Variants in SUPT16H observed in about 807,000 individuals in gnomAD.
SUPT16H encodes the protein FACT complex subunit SPT16.
A neutral mutation model predicts 136.2 loss-of-function variants in SUPT16H; 24 were observed. The ratio of observed to expected loss-of-function variants is 0.18; its 90% CI spans 0.13 to 0.25. The LOEUF is 0.25. SUPT16H is among the 10% of genes least tolerant of loss of function. SUPT16H has a pLI of 1.00. For synonymous variants in SUPT16H, 415 were observed against 428.2 expected (o/e 0.97, Z 0.38); for missense variants, 623 against 1,270.2 (o/e 0.49, Z 7.74).
chr14:21,359,771 G>A (rs1181088928), intron 18 of SUPT16H, among the ~76,000 whole-genome samples, 162 bp from the exon 19 acceptor site: 1 of 152,158 alleles, frequency 6.6e-6, no homozygotes, highest in Non-Finnish European at 1.5e-5. Context: ...TGGAAACAGT[G>A]TACATTTGAA....
At chr14:21,361,409 T>C in intron 15 of SUPT16H, 196 bp from the exon 16 acceptor site, 1 of 636,112 alleles carries the variant, frequency 1.6e-6, no homozygotes, top group East Asian at 3.2e-5. Context: ...CTTCGCCTCC[T>C]GGGTTCAAGC....
At chr14:21,354,819 T>C in intron 22 of SUPT16H, 1 of 238,396 alleles carries the variant, frequency 4.2e-6, no homozygotes, top group South Asian at 5.2e-5. Context: ...CTAGAACTCC[T>C]GACTTCAGGT....
At chr14:21,361,370 G>A (rs1183405477) in intron 15 of SUPT16H, 157 bp from the exon 16 acceptor site, 1 of 870,670 alleles carries the variant, frequency 1.1e-6, no homozygotes, top group Non-Finnish European at 1.8e-6. Flanking sequence ...AGGCTGGAGT[G>A]CAGTGGCCCA....
In SUPT16H at chr14:21,373,325, G is replaced by A; in HGVS notation, c.159+13C>T. On this transcript the variant is annotated intron_variant, in intron 2 of 25. Coordinates refer to ENST00000216297, the MANE Select transcript of SUPT16H (RefSeq NM_007192.4). ...ACAACTCTAAGAGCTAAAAATTGCT[G>A]TAAATCTCTCACCTGTAAGGCAGTT... 1 of 1,600,090 alleles carries A rather than the reference G, an allele frequency of 6.2e-7. No individual in the cohort carries two copies. The highest frequency in any genetic ancestry group is 8.6e-7 in the Non-Finnish European group (1 of 1,167,296).
At chr14:21,377,530 C>A (rs1449759643) in intron 1 of SUPT16H, among the ~76,000 whole-genome samples, 1 of 151,476 alleles carries the variant, frequency 6.6e-6, no homozygotes, top group Non-Finnish European at 1.5e-5. Context: ...GGCAAACTAG[C>A]ACTTTAAGAC....
chr14:21,365,969 G>A (rs1265765200), intron 8 of SUPT16H, among the ~76,000 whole-genome samples: 1 of 152,120 alleles, frequency 6.6e-6, no homozygotes, highest in Admixed American at 6.5e-5. Context: ...TGGGTGTGGT[G>A]GCACGTGCCT....
intron 22 of SUPT16H, 169 bp from the exon 23 acceptor site, chr14:21,354,709 A>G (rs1033907140): frequency 1.5e-6 from 1 of 654,220 alleles, no homozygotes; most frequent in Non-Finnish European, 2.3e-6. Context: ...CTCCTGCCTC[A>G]GCCTCCCGAG....
intron 13 of SUPT16H, 38 bp downstream of exon 13, chr14:21,362,987 TCCCACAGAA>T (rs1404301970): frequency 8.1e-6 from 13 of 1,613,390 alleles, no homozygotes; most frequent in African/African-American, 1.3e-5. Context: ...ATTTCTGCAG[TCCCACAGAA>T]CCCTCAGATG....
At chr14:21,365,312 C>T (rs1344082118) in intron 8 of SUPT16H, among the ~76,000 whole-genome samples, 169 bp from the exon 9 acceptor site, 1 of 152,216 alleles carries the variant, frequency 6.6e-6, no homozygotes, top group Non-Finnish European at 1.5e-5. Flanking sequence ...TCTTTGGCCT[C>T]TAAACATGCT....
intron 1 of SUPT16H, among the ~76,000 whole-genome samples, chr14:21,382,031 G>A (rs1268703220): frequency 6.6e-6 from 1 of 152,076 alleles, no homozygotes; most frequent in Non-Finnish European, 1.5e-5. Flanking sequence ...TATCCAGGAG[G>A]ATAAGCGACT....
intron 3 of SUPT16H, 56 bp from the exon 4 acceptor site, chr14:21,370,544 G>A (rs183924767): frequency 3.8e-6 from 6 of 1,559,648 alleles, no homozygotes; most frequent in South Asian, 1.1e-5. Context: ...CATTAGACAC[G>A]TTTTACCAGT....
chr14:21,383,001 T>C (rs888695058), intron 1 of SUPT16H: 1 of 152,250 alleles, frequency 6.6e-6, no homozygotes, highest in African/African-American at 2.4e-5. Flanking sequence ...AAAATCTTTA[T>C]TAGCTGTATC....
intron 14 of SUPT16H, 149 bp from the exon 15 acceptor site, chr14:21,362,473 TAAC>T: frequency 9.4e-6 from 8 of 852,272 alleles, no homozygotes; most frequent in Non-Finnish European, 1.3e-5. Flanking sequence ...ATCTTTTTAA[TAAC>T]GAAGTATCCT....
chr14:21,372,082 A>C (rs779282237), intron 2 of SUPT16H, 38 bp from the exon 3 acceptor site: 54 of 1,576,264 alleles, frequency 3.4e-5, no homozygotes, highest in Non-Finnish European at 6.0e-6. Flanking sequence ...GTATTTACAG[A>C]TACAAAAATT....
In SUPT16H at chr14:21,383,959, A is replaced by C. The variant is rs754830939; in HGVS notation, c.-32T>G. ...GGACGCCGCTTCTCCTCGGGTTCCG[A>C]GAATCACGCGAGGTCCCGGCTCAGC... On this transcript the variant is annotated 5_prime_UTR_variant, in exon 1 of 26. Transcript: ENST00000216297. 5 of 1,612,094 alleles carry C rather than the reference A, an allele frequency of 3.1e-6. No homozygotes were observed. The highest frequency in any genetic ancestry group is 4.2e-6 in the Non-Finnish European group (5 of 1,179,882).
intron 15 of SUPT16H, among the ~76,000 whole-genome samples, chr14:21,361,583 C>T (rs1407336146): frequency 6.6e-6 from 1 of 152,110 alleles, no homozygotes; most frequent in African/African-American, 2.4e-5. Flanking sequence ...TCCCGAAGTG[C>T]TGGGATTACA....
At chr14:21,366,152 A>T (rs901505511) in intron 8 of SUPT16H, among the ~76,000 whole-genome samples, 6 of 152,160 alleles carry the variant, frequency 3.9e-5, no homozygotes, top group Non-Finnish European at 7.3e-5. Context: ...GTGCACGGAG[A>T]GAGGAGATAT....
At chr14:21,360,377 G>T in intron 18 of SUPT16H, 38 bp downstream of exon 18, 1 of 1,454,680 alleles carries the variant, frequency 6.9e-7, no homozygotes, top group Non-Finnish European at 9.6e-7. Flanking sequence ...GAAGTGTCTT[G>T]CCCAAGAGCT....
rs183569015 is a variant in SUPT16H, at chr14:21,365,474, A to G, written c.1047-331T>C. ...CAACATAGAGATTATTAAGGGGTAC[A>G]TTACTAAGACAGTAATTACTAGATT... On this transcript the variant is annotated intron_variant, in intron 8 of 25. Transcript: ENST00000216297. Among the ~76,000 whole-genome samples the G allele has an allele frequency of 1.2e-4, 18 of 152,364 alleles. No individual in the cohort carries two copies. The East Asian group carries it at 3.3e-3, about 28-fold the overall frequency.
Sources: allele counts gnomAD v4.1 joint callset (sites outside exome capture counted in the v4.1 genomes callset), GRCh38; gene constraint gnomAD v4.1.1; transcripts MANE v1.5; gene names NCBI Gene and HGNC (gene_info 2026-07-23, HGNC 2026-07-21).